The following TRAPPC9 variants were observed in gnomAD, a reference collection of about 807,000 sequenced individuals.
The protein encoded by TRAPPC9 is IKK2 binding protein.
Under a neutral mutation model 124.0 loss-of-function variants are expected in TRAPPC9, and 83 were observed. That is an observed-to-expected ratio of 0.67 (90% CI 0.56 to 0.80). The LOEUF is 0.80. TRAPPC9 is among the 30% of genes least tolerant of loss of function. The probability of loss-of-function intolerance (pLI) is 0.00; values close to 1 mark genes in which losing one functional copy is unlikely to be tolerated. For missense variants in TRAPPC9, 1,302 were observed against 1,508.3 expected (o/e 0.86, Z 2.27); for synonymous variants, 638 against 617.5 (o/e 1.03, Z -0.49).
chr8:140,309,302 G>A lies in TRAPPC9; in HGVS notation c.1622+1946C>T, dbSNP rs181965954. On this transcript the variant is annotated intron_variant, in intron 10 of 22. Coordinates refer to ENST00000438773, the MANE Select transcript of TRAPPC9 (RefSeq NM_001160372.4). ...CAGCTGAAACAAAACAAACCACTCTGTGTGGGGCAATTTTTAAGCCCGGCT... is the reference window on the plus strand; with the variant it reads ...CAGCTGAAACAAAACAAACCACTCTATGTGGGGCAATTTTTAAGCCCGGCT... Among the ~76,000 whole-genome samples the A allele has an allele frequency of 7.7e-3, 1,179 of 152,344 alleles. 7 individuals are homozygous for A. The highest frequency in any genetic ancestry group is 0.012 in the Non-Finnish European group (849 of 68,028).
chr8:139,997,869 CAT>C (rs1838134999), intron 18 of TRAPPC9, among the ~76,000 whole-genome samples: 1 of 129,252 alleles, frequency 7.7e-6, no homozygotes, highest in Non-Finnish European at 1.6e-5. Context: ...AGAGACAATG[CAT>C]CCCACACAGG....
chr8:140,371,281 A>C, intron 7 of TRAPPC9, 101 bp from the exon 8 acceptor site: 2 of 1,194,078 alleles, frequency 1.7e-6, no homozygotes, highest in Non-Finnish European at 2.4e-6. Flanking sequence ...AGACCTGAGG[A>C]GAATCGAGGA....
intron 7 of TRAPPC9, among the ~76,000 whole-genome samples, chr8:140,393,032 T>TTTTTTTTTATTTTATTTTTTTTTATTTTA (rs574235886): frequency 2.9e-5 from 4 of 138,098 alleles, no homozygotes; most frequent in African/African-American, 1.1e-4. Flanking sequence ...TCCCATTTTA[T>TTTTTTTTTATTTTATTTTTTTTTATTTTA]TTTTATTTTA....
intron 11 of TRAPPC9, among the ~76,000 whole-genome samples, chr8:140,291,437 G>A (rs544814287): frequency 6.6e-6 from 1 of 152,234 alleles, no homozygotes; most frequent in Admixed American, 6.5e-5. Context: ...GGGGTCACTT[G>A]TGAGTAACAC....
At chr8:139,893,442 A>C (rs988053381) in intron 20 of TRAPPC9, among the ~76,000 whole-genome samples, 13 of 152,350 alleles carry the variant, frequency 8.5e-5, no homozygotes, top group African/African-American at 3.1e-4. Flanking sequence ...GGCGGTCTGC[A>C]CAATGCTCTT....
chr8:140,370,489 A>G (rs2132236611), intron 8 of TRAPPC9, among the ~76,000 whole-genome samples: 1 of 152,312 alleles, frequency 6.6e-6, no homozygotes, highest in African/African-American at 2.4e-5. Flanking sequence ...AATACTGGGC[A>G]TTATCCTTGT....
chr8:140,370,603 C>T lies in TRAPPC9; in HGVS notation c.1351+361G>A, dbSNP rs540918056. Among the ~76,000 whole-genome samples the T allele has an allele frequency of 5.9e-5, 9 of 152,344 alleles. No homozygotes were observed. The South Asian group carries it at 1.2e-3, about 21-fold the overall frequency. ...GCTGAATGCATAGCTCAGGTATACA[C>T]ATATACCCAAGGATATTTATTCTGG... On this transcript the variant is annotated intron_variant, in intron 8 of 22. Coordinates refer to ENST00000438773, the MANE Select transcript of TRAPPC9 (RefSeq NM_001160372.4).
intron 7 of TRAPPC9, among the ~76,000 whole-genome samples, chr8:140,382,191 A>C (rs528757632): frequency 6.6e-6 from 1 of 152,360 alleles, no homozygotes; most frequent in South Asian, 2.1e-4. Context: ...GAACAGCTCC[A>C]GTCTACAGCT....
intron 9 of TRAPPC9, among the ~76,000 whole-genome samples, chr8:140,344,838 A>T (rs2067290936): frequency 6.6e-6 from 1 of 152,248 alleles, no homozygotes; most frequent in Non-Finnish European, 1.5e-5. Flanking sequence ...CCACTTCCTG[A>T]TACGTGTCCT....
At chr8:139,769,466 T>C (rs761545242) in intron 21 of TRAPPC9, among the ~76,000 whole-genome samples, 1 of 152,242 alleles carries the variant, frequency 6.6e-6, no homozygotes, top group African/African-American at 2.4e-5. Context: ...GATGTCACCA[T>C]GCTACTCTGA....
chr8:140,386,898 G>A (rs1010558472), intron 7 of TRAPPC9, among the ~76,000 whole-genome samples: 7 of 152,096 alleles, frequency 4.6e-5, no homozygotes, highest in East Asian at 1.9e-4. Flanking sequence ...GAGGCATCAC[G>A]CTACCTGACT....
intron 14 of TRAPPC9, among the ~76,000 whole-genome samples, chr8:140,281,136 T>C (rs2065307609): frequency 6.6e-6 from 1 of 152,230 alleles, no homozygotes. Context: ...ATGTGTTCCA[T>C]TGTCTTGAGC....
intron 21 of TRAPPC9, among the ~76,000 whole-genome samples, chr8:139,763,519 C>T (rs1352174574): frequency 6.6e-6 from 1 of 152,226 alleles, no homozygotes; most frequent in Admixed American, 6.5e-5. Flanking sequence ...GGCACTGTGC[C>T]AGGTTCTACA....
In TRAPPC9 at chr8:140,082,960, C is replaced by T. The variant is rs778735829; in HGVS notation, c.2557-58881G>A. ...CTGTAATCCCAGCACTTTGGGTGGC[C>T]GAGGCAGGTGGATCACAAGGTCAAG... On this transcript the variant is annotated intron_variant, in intron 17 of 22. Coordinates refer to ENST00000438773, the MANE Select transcript of TRAPPC9 (RefSeq NM_001160372.4). Among the ~76,000 whole-genome samples, 12 of 151,976 alleles carry T rather than the reference C, an allele frequency of 7.9e-5. No homozygotes were observed. The East Asian group carries it at 1.7e-3, about 22-fold the overall frequency.
intron 17 of TRAPPC9, among the ~76,000 whole-genome samples, chr8:140,167,741 T>C (rs2061870848): frequency 1.3e-5 from 2 of 152,240 alleles, no homozygotes; most frequent in African/African-American, 4.8e-5. Flanking sequence ...TGAATATGTA[T>C]TTCTCTTTCT....
chr8:140,199,354 T>A (rs890471121), intron 17 of TRAPPC9, among the ~76,000 whole-genome samples: 15 of 152,206 alleles, frequency 9.9e-5, no homozygotes, highest in African/African-American at 3.4e-4. Flanking sequence ...AAGACACAAA[T>A]CCAGGTCTAG....
chr8:139,815,579 A>T (rs1478011030), intron 21 of TRAPPC9, among the ~76,000 whole-genome samples: 1 of 152,148 alleles, frequency 6.6e-6, no homozygotes, highest in Non-Finnish European at 1.5e-5. Context: ...TTTAGCAGAG[A>T]CAGGGTTTCA....
At chr8:140,164,718 T>C (rs1354175710) in intron 17 of TRAPPC9, among the ~76,000 whole-genome samples, 2 of 152,100 alleles carry the variant, frequency 1.3e-5, no homozygotes, top group South Asian at 2.1e-4. Context: ...CAGGTGGAAC[T>C]CCGCATGGGC....
intron 17 of TRAPPC9, among the ~76,000 whole-genome samples, chr8:140,175,738 C>T (rs1455565224): frequency 6.6e-6 from 1 of 152,218 alleles, no homozygotes; most frequent in African/African-American, 2.4e-5. Context: ...TGCTCCAATG[C>T]TATACACTCC....
Sources: gnomAD v4.1 joint callset for allele counts (sites outside exome capture counted in the v4.1 genomes callset) on GRCh38, gnomAD v4.1.1 for gene constraint, MANE v1.5 for transcripts, NCBI Gene and HGNC (gene_info 2026-07-23, HGNC 2026-07-21) for gene names.